The following COL4A4 variants were observed in gnomAD, a reference collection of about 807,000 sequenced individuals.
COL4A4 encodes collagen alpha-4(IV) chain.
Under a neutral mutation model 192.9 loss-of-function variants are expected in COL4A4, and 105 were observed. The ratio of observed to expected loss-of-function variants is 0.54; its 90% CI spans 0.46 to 0.64. The LOEUF (loss-of-function observed/expected upper bound fraction) is 0.64, where lower values mean the gene tolerates loss of function less well. Among genes scored for constraint, COL4A4 ranks in the 30% least tolerant of loss-of-function variants. The probability of loss-of-function intolerance (pLI) is 0.00; values close to 1 mark genes in which losing one functional copy is unlikely to be tolerated. For missense variants in COL4A4, 1,967 were observed against 2,169.3 expected (o/e 0.91, Z 1.85); for synonymous variants, 762 against 769.9 (o/e 0.99, Z 0.17).
intron 44 of COL4A4, among the ~76,000 whole-genome samples, chr2:227,018,921 T>C (rs1177714020): frequency 6.6e-6 from 1 of 152,222 alleles, no homozygotes; most frequent in African/African-American, 2.4e-5. Context: ...AGAGAGAATC[T>C]TGTTCTTGTT....
Position 227,058,644 on chromosome 2 carries a change from G to T in COL4A4, c.2383+761C>A, listed in dbSNP as rs567137504. ...ACCAGAATGTTCTTTGTAAACATCT[G>T]ATCTGTGGTTCACATCTTGATCACC... is the stretch of plus-strand genomic sequence containing the variant. On this transcript the variant is annotated intron_variant, in intron 28 of 47. Coordinates refer to ENST00000396625, the MANE Select transcript of COL4A4 (RefSeq NM_000092.5). 7.2e-5 allele frequency among the ~76,000 whole-genome samples: 11 copies of T among 152,210 alleles called. No individual in the cohort carries two copies. The East Asian group carries it at 2.1e-3, about 29-fold the overall frequency.
intron 1 of COL4A4, among the ~76,000 whole-genome samples, chr2:227,151,414 C>G (rs1389766987): frequency 6.6e-6 from 1 of 152,052 alleles, no homozygotes; most frequent in South Asian, 2.1e-4. Context: ...CTTTTTATTT[C>G]GTATCAGCTT....
Position 227,121,096 on chromosome 2 carries a change from G to A in COL4A4, c.245C>T (p.Pro82Leu), listed in dbSNP as rs2061756645. ...CTCTCCTGAAAGCCCAATGGGTCCT[G>A]GGGCTCCCAGGGGTCCAATTGGACC... is the stretch of plus-strand genomic sequence containing the variant. ...PQGPIGPLGA[P>L]GPIGLSGEKG... The change falls in exon 5 of 48, where the codon CCA (proline) becomes CTA (leucine). Residue 82 changes from proline to leucine, a missense_variant. Physicochemically the swap from Pro to Leu is moderately conservative, Grantham distance 98. Coordinates refer to ENST00000396625, the MANE Select transcript of COL4A4 (RefSeq NM_000092.5). 1 of 1,614,138 alleles carries A rather than the reference G, an allele frequency of 6.2e-7. No individual in the cohort carries two copies. Among genetic ancestry groups the A allele is most frequent in the Non-Finnish European group, 8.5e-7 (1 of 1,179,988 alleles).
At chr2:227,126,324 A>G (rs1473089931) in intron 4 of COL4A4, among the ~76,000 whole-genome samples, 5 of 152,218 alleles carry the variant, frequency 3.3e-5, no homozygotes, top group African/African-American at 4.8e-5. Flanking sequence ...GATAAGTGTA[A>G]ATGCTGTCTT....
chr2:227,021,568 G>C (rs541269557), intron 44 of COL4A4, among the ~76,000 whole-genome samples: 1 of 152,292 alleles, frequency 6.6e-6, no homozygotes, highest in Non-Finnish European at 1.5e-5. Context: ...GCTCATGCCT[G>C]TAATCCCAGC....
At chr2:226,984,200 C>A in the COL4A4 span, among the ~76,000 whole-genome samples, 1 of 152,284 alleles carries the variant, frequency 6.6e-6, no homozygotes, top group African/African-American at 2.4e-5. Flanking sequence ...AGTTGCCAAG[C>A]TGCCAACTTC....
intron 3 of COL4A4, among the ~76,000 whole-genome samples, chr2:227,142,857 T>A (rs1367238061): frequency 6.6e-6 from 1 of 152,206 alleles, no homozygotes; most frequent in Non-Finnish European, 1.5e-5. Flanking sequence ...CACATAATTT[T>A]AAAAATTCAA....
At position 227,012,876 on chromosome 2, in the gene COL4A4, G is replaced by C. The variant is rs188298767; in HGVS notation, c.4217-579C>G. On this transcript the variant is annotated intron_variant, in intron 44 of 47. Coordinates refer to ENST00000396625, the MANE Select transcript of COL4A4 (RefSeq NM_000092.5). ...TGGATTGTCCAATTCAGTCTTCTCA[G>C]CAGCCATATGACTAGGTACTCATAC... Among the ~76,000 whole-genome samples the C allele has an allele frequency of 1.2e-4, 19 of 152,268 alleles. 1 individual carries two copies. In the East Asian group the frequency reaches 3.7e-3, roughly 29 times the overall value.
At chr2:227,156,771 AAATT>A (rs1205325920) in intron 1 of COL4A4, among the ~76,000 whole-genome samples, 1 of 152,198 alleles carries the variant, frequency 6.6e-6, no homozygotes, top group African/African-American at 2.4e-5. Context: ...AATGATTTAA[AAATT>A]AATATTGCAG....
At chr2:226,996,002 G>A in the COL4A4 span, 6,075 of 158,312 alleles carry the variant, frequency 0.038, 386 homozygotes, top group African/African-American at 0.14. Flanking sequence ...TGCCTTGGCC[G>A]AATGTTGTCC....
chr2:227,070,602 A>C (rs2058656021), intron 25 of COL4A4, among the ~76,000 whole-genome samples: 1 of 151,944 alleles, frequency 6.6e-6, no homozygotes, highest in Admixed American at 6.6e-5. Flanking sequence ...CATCATTCTC[A>C]GTAAACTATC....
intron 25 of COL4A4, among the ~76,000 whole-genome samples, chr2:227,063,071 A>G (rs574129688): frequency 2.8e-4 from 43 of 152,342 alleles, no homozygotes; most frequent in African/African-American, 1.0e-3. Context: ...GAAATTGTGC[A>G]AATGAAGAGG....
rs114930980 is a variant in COL4A4, at chr2:227,123,666, C to T, written c.193-2518G>A. ...GGTATGGAGTGCCTGCCAACTGTGC[C>T]TCCGGGGCTTTGGATAAAGCCCTGA... On this transcript the variant is annotated intron_variant, in intron 4 of 47. Transcript: ENST00000396625. The surrounding 1 kb of genome is among the most constrained non-coding windows in gnomAD (Gnocchi z 4.6). Among the ~76,000 whole-genome samples the T allele has an allele frequency of 3.4e-3, 512 of 152,312 alleles. 3 individuals carry two copies. The highest frequency in any genetic ancestry group is 6.3e-3 in the Non-Finnish European group (428 of 68,014).
chr2:227,071,596 A>G (rs1316468792), intron 25 of COL4A4, among the ~76,000 whole-genome samples: 1 of 152,174 alleles, frequency 6.6e-6, no homozygotes, highest in Non-Finnish European at 1.5e-5. Context: ...TGCAGGATAT[A>G]CATTCTTCTC....
chr2:227,021,426 A>C (rs968409996), intron 44 of COL4A4, among the ~76,000 whole-genome samples: 2 of 152,174 alleles, frequency 1.3e-5, no homozygotes, highest in South Asian at 4.2e-4. Flanking sequence ...GGCAGCTATT[A>C]ATGACTGTTC....
chr2:227,144,153 T>C (rs143862396), intron 3 of COL4A4, among the ~76,000 whole-genome samples: 67 of 152,322 alleles, frequency 4.4e-4, no homozygotes, highest in African/African-American at 1.6e-3. Context: ...AGAAGAAAGA[T>C]AGCTTATTAC....
intron 21 of COL4A4, 59 bp downstream of exon 21, chr2:227,089,809 G>T: frequency 7.3e-7 from 1 of 1,360,564 alleles, no homozygotes; most frequent in Non-Finnish European, 1.1e-6. Flanking sequence ...TCTCAGAAAT[G>T]CCCCCGATCA....
At chr2:227,060,993 T>C (rs3731590) in intron 26 of COL4A4, among the ~76,000 whole-genome samples, 1 of 152,014 alleles carries the variant, frequency 6.6e-6, no homozygotes, top group East Asian at 1.9e-4. Flanking sequence ...CCCAAAGTGC[T>C]GAGATTACAG....
intron 31 of COL4A4, among the ~76,000 whole-genome samples, 191 bp from the exon 32 acceptor site, chr2:227,052,603 C>A (rs1974356805): frequency 6.6e-6 from 1 of 152,112 alleles, no homozygotes; most frequent in African/African-American, 2.4e-5. Context: ...CGTTCCTGAC[C>A]CCATTTGTCC....
Sources: allele counts gnomAD v4.1 joint callset (sites outside exome capture counted in the v4.1 genomes callset), GRCh38; gene constraint gnomAD v4.1.1; non-coding constraint Gnocchi (gnomAD v3.1); transcripts MANE v1.5; gene names NCBI Gene and HGNC (gene_info 2026-07-23, HGNC 2026-07-21).